The following TSPAN5 variants were observed in gnomAD, a reference collection of about 807,000 sequenced individuals.
The protein encoded by TSPAN5 is tetraspanin 5.
In TSPAN5, 10 loss-of-function variants were observed where a neutral mutation model predicts 37.1. The ratio of observed to expected loss-of-function variants is 0.27; its 90% CI spans 0.17 to 0.46. The LOEUF is 0.46. Among genes scored for constraint, TSPAN5 ranks in the 20% least tolerant of loss-of-function variants. The probability of loss-of-function intolerance (pLI) is 1.00; values close to 1 mark genes in which losing one functional copy is unlikely to be tolerated. For synonymous variants in TSPAN5, 110 were observed against 118.9 expected (o/e 0.93, Z 0.48); for missense variants, 195 against 326.6 (o/e 0.60, Z 3.11).
chr4:98,545,850 T>G (rs6831464), intron 1 of TSPAN5, among the ~76,000 whole-genome samples: 90,920 of 151,972 alleles, frequency 0.6, 27,536 homozygotes, highest in South Asian at 0.75. Flanking sequence ...CTTAATAGGC[T>G]CAACATAAGT....
intron 5 of TSPAN5, among the ~76,000 whole-genome samples, chr4:98,478,187 C>T (rs549580436): frequency 4.6e-5 from 7 of 152,184 alleles, no homozygotes; most frequent in Non-Finnish European, 1.0e-4. Context: ...TCTCCTCCTA[C>T]TCCTAATAGT....
intron 2 of TSPAN5, among the ~76,000 whole-genome samples, chr4:98,504,417 C>T (rs548048450): frequency 6.6e-6 from 1 of 152,280 alleles, no homozygotes; most frequent in Admixed American, 6.5e-5. Flanking sequence ...GCAGTCTCTG[C>T]AGTTACCAAG....
chr4:98,641,656 T>G (rs1190069947), intron 1 of TSPAN5, among the ~76,000 whole-genome samples: 1 of 152,132 alleles, frequency 6.6e-6, no homozygotes, highest in African/African-American at 2.4e-5. Flanking sequence ...CGTGCACACA[T>G]CCTACAAAGA....
intron 1 of TSPAN5, among the ~76,000 whole-genome samples, chr4:98,636,058 T>C (rs530219394): frequency 2.0e-5 from 3 of 152,336 alleles, no homozygotes; most frequent in African/African-American, 4.8e-5. Context: ...CTTTATTCTT[T>C]ACAATCTTAT....
chr4:98,549,308 T>TG (rs1560533028), intron 1 of TSPAN5, among the ~76,000 whole-genome samples: 182 of 22,808 alleles, frequency 8.0e-3, no homozygotes, highest in Middle Eastern at 0.029. Context: ...TTTTGTTTTT[T>TG]TTTGTTTTTT....
intron 3 of TSPAN5, chr4:98,484,364 G>A (rs1752914502): frequency 2.0e-5 from 9 of 441,676 alleles, no homozygotes; most frequent in South Asian, 1.5e-4. Context: ...GCTATTTGGA[G>A]TCCTGTGGAC....
chr4:98,623,483 C>T (rs1264062248), intron 1 of TSPAN5, among the ~76,000 whole-genome samples: 2 of 152,278 alleles, frequency 1.3e-5, no homozygotes, highest in South Asian at 2.1e-4. Flanking sequence ...TCCTCTGTCC[C>T]ACTTCAAAAT....
At chr4:98,582,038 G>A (rs1028313095) in intron 1 of TSPAN5, among the ~76,000 whole-genome samples, 5 of 152,138 alleles carry the variant, frequency 3.3e-5, no homozygotes, top group Non-Finnish European at 5.9e-5. Context: ...TGAGCTCCCG[G>A]CCCATCTCTT....
At chr4:98,553,935 C>T (rs1372094235) in intron 1 of TSPAN5, among the ~76,000 whole-genome samples, 1 of 151,992 alleles carries the variant, frequency 6.6e-6, no homozygotes, top group Non-Finnish European at 1.5e-5. Context: ...GGCGTGATGG[C>T]AGGCGCCTGT....
At chr4:98,534,493 T>C (rs1489414522) in intron 1 of TSPAN5, among the ~76,000 whole-genome samples, 2 of 152,250 alleles carry the variant, frequency 1.3e-5, no homozygotes, top group Non-Finnish European at 2.9e-5. Context: ...GTATATTCTG[T>C]TGATTTAGGG....
chr4:98,532,846 T>C (rs1754127817), intron 1 of TSPAN5, among the ~76,000 whole-genome samples: 1 of 152,218 alleles, frequency 6.6e-6, no homozygotes, highest in Non-Finnish European at 1.5e-5. Context: ...ATAGCTCTTA[T>C]TATTTTGAGA....
At chr4:98,511,909 G>A (rs1326635457) in intron 1 of TSPAN5, among the ~76,000 whole-genome samples, 1 of 151,016 alleles carries the variant, frequency 6.6e-6, no homozygotes, top group Non-Finnish European at 1.5e-5. Flanking sequence ...TATAGATAAG[G>A]AAACTGAGGC....
intron 1 of TSPAN5, among the ~76,000 whole-genome samples, chr4:98,514,532 T>G (rs941305672): frequency 1.3e-5 from 2 of 152,158 alleles, no homozygotes; most frequent in African/African-American, 2.4e-5. Flanking sequence ...GTTTGTACAT[T>G]CAAACTGTCC....
intron 1 of TSPAN5, among the ~76,000 whole-genome samples, chr4:98,520,543 A>C (rs1753830733): frequency 6.6e-6 from 1 of 152,182 alleles, no homozygotes; most frequent in Admixed American, 6.5e-5. Context: ...TGTTCCAAAG[A>C]CCATCAGACG....
chr4:98,540,598 A>G (rs1017546599), intron 1 of TSPAN5, among the ~76,000 whole-genome samples: 1 of 152,118 alleles, frequency 6.6e-6, no homozygotes, highest in Non-Finnish European at 1.5e-5. Flanking sequence ...TCAGCCTCCC[A>G]AAGTCCTGGG....
chr4:98,503,964 T>G (rs988043563), intron 2 of TSPAN5, among the ~76,000 whole-genome samples: 3 of 152,206 alleles, frequency 2.0e-5, no homozygotes, highest in African/African-American at 7.2e-5. Context: ...TTGGAGACAC[T>G]CATCCTTTGC....
rs1441654702 is a variant in TSPAN5, at chr4:98,576,791, G to T, written c.82-69063C>A. Among the ~76,000 whole-genome samples the T allele has an allele frequency of 2.0e-5, 3 of 152,104 alleles. No homozygotes were observed. In the East Asian group the frequency reaches 5.8e-4, roughly 29 times the overall value. ...TTTGTTTGTGTTGAGACAGTGTCTT[G>T]CTCTGTCGCCCAGGCTGGAATGCAG... On this transcript the variant is annotated intron_variant, in intron 1 of 7. Coordinates refer to ENST00000305798, the MANE Select transcript of TSPAN5 (RefSeq NM_005723.4).
intron 4 of TSPAN5, among the ~76,000 whole-genome samples, chr4:98,480,385 T>C (rs1752811499): frequency 6.6e-6 from 1 of 152,236 alleles, no homozygotes; most frequent in Admixed American, 6.5e-5. Flanking sequence ...CATTTTCAAC[T>C]TTAAAAAGTC....
chr4:98,605,904 C>T (rs1267207788), intron 1 of TSPAN5, among the ~76,000 whole-genome samples: 1 of 152,220 alleles, frequency 6.6e-6, no homozygotes, highest in Non-Finnish European at 1.5e-5. Flanking sequence ...ACGGAGTTGT[C>T]CCCACACAAC....
Sources: gnomAD v4.1 joint callset for allele counts (sites outside exome capture counted in the v4.1 genomes callset) on GRCh38, gnomAD v4.1.1 for gene constraint, MANE v1.5 for transcripts, NCBI Gene and HGNC (gene_info 2026-07-23, HGNC 2026-07-21) for gene names.